The following MACROD2 variants were observed in gnomAD, a reference collection of about 807,000 sequenced individuals.
The protein encoded by MACROD2 is mono-ADP ribosylhydrolase 2.
In MACROD2, 36 loss-of-function variants were observed where a neutral mutation model predicts 70.4. The observed-to-expected ratio is 0.51, with a 90% CI of 0.39 to 0.68. MACROD2 has a LOEUF of 0.68. Ranked by LOEUF, MACROD2 falls within the 30% of genes least tolerant of loss-of-function variation. MACROD2 has a pLI of 0.00. For missense variants in MACROD2, 496 were observed against 538.4 expected (o/e 0.92, Z 0.78); for synonymous variants, 172 against 178.8 (o/e 0.96, Z 0.30).
intron 8 of MACROD2, among the ~76,000 whole-genome samples, chr20:15,522,335 ATCTT>A (rs1409190626): frequency 2.0e-5 from 3 of 152,226 alleles, no homozygotes; most frequent in African/African-American, 4.8e-5. Flanking sequence ...CCTCATAGAT[ATCTT>A]TTGAAAAGTA....
rs569994786 is a variant in MACROD2 at position 15,463,216 on chromosome 20, G to A, written c.571+31781G>A. On this transcript the variant is annotated intron_variant, in intron 7 of 17. Transcript: ENST00000684519. ...TTCCATGTGTCAATGCCAACAGGAGGAATGACCGCCTGAAGAGGTGTGTTG... is the reference window on the plus strand; with the variant it reads ...TTCCATGTGTCAATGCCAACAGGAGAAATGACCGCCTGAAGAGGTGTGTTG... Among the ~76,000 whole-genome samples the A allele has an allele frequency of 3.9e-5, 6 of 152,264 alleles. No homozygotes were observed. In the South Asian group the frequency reaches 8.3e-4, roughly 21 times the overall value.
At chr20:15,120,573 T>A (rs896147372) in intron 5 of MACROD2, among the ~76,000 whole-genome samples, 8 of 152,188 alleles carry the variant, frequency 5.3e-5, no homozygotes, top group African/African-American at 1.9e-4. Flanking sequence ...TTCAACTAGT[T>A]CCCTGAATGG....
At chr20:15,676,149 A>G (rs2050054228) in intron 8 of MACROD2, among the ~76,000 whole-genome samples, 1 of 152,216 alleles carries the variant, frequency 6.6e-6, no homozygotes, top group African/African-American at 2.4e-5. Flanking sequence ...TGTTAAGCTC[A>G]TCTTACCTGT....
chr20:15,017,632 C>G lies in MACROD2; in HGVS notation c.419-212308C>G, dbSNP rs147774578. Among the ~76,000 whole-genome samples the G allele has an allele frequency of 2.9e-3, 447 of 152,350 alleles. 7 individuals are homozygous for G. Among genetic ancestry groups the G allele is most frequent in the African/African-American group, 0.01 (426 of 41,580 alleles). ...CTAGCAGAGGTTCTCCATGAGGGCA[C>G]CACCCCTGCAGCAAACTTCTTCCTG... On this transcript the variant is annotated intron_variant, in intron 5 of 17. Coordinates refer to ENST00000684519, the MANE Select transcript of MACROD2 (RefSeq NM_001351661.2).
At chr20:15,005,855 T>A (rs2075031537) in intron 5 of MACROD2, among the ~76,000 whole-genome samples, 1 of 152,160 alleles carries the variant, frequency 6.6e-6, no homozygotes, top group African/African-American at 2.4e-5. Context: ...AGTTGATAAC[T>A]GTGTAAACAT....
At chr20:14,421,502 T>C (rs1232615192) in intron 3 of MACROD2, among the ~76,000 whole-genome samples, 1 of 152,200 alleles carries the variant, frequency 6.6e-6, no homozygotes, top group African/African-American at 2.4e-5. Context: ...TTTGTTGGCA[T>C]ACAAATGTTC....
intron 5 of MACROD2, among the ~76,000 whole-genome samples, chr20:15,180,606 C>T (rs2076493680): frequency 6.6e-6 from 1 of 152,216 alleles, no homozygotes. Flanking sequence ...TCTGGGAACA[C>T]TTTTCCCCCT....
chr20:15,745,669 C>T (rs2051172368), intron 8 of MACROD2, among the ~76,000 whole-genome samples: 1 of 152,112 alleles, frequency 6.6e-6, no homozygotes, highest in Non-Finnish European at 1.5e-5. Flanking sequence ...AAGGAAATGG[C>T]AATATTCCCC....
rs1026202186 is a variant in MACROD2 at position 15,499,815 on chromosome 20, A to G, written c.613A>G (p.Ile205Val). The change falls in exon 8 of 18, where the codon ATT becomes GTT. Residue 205 changes from isoleucine (I) to valine (V), a missense_variant. By Grantham distance (29) the Ile-to-Val change is conservative. Coordinates refer to ENST00000684519, the MANE Select transcript of MACROD2 (RefSeq NM_001351661.2). ...EPAAVIALNT[I>V]KEWLAKNHHE... ...TGCTGCAGTCATTGCCCTCAACACC[A>G]TTAAGGAATGGCTTGCCAAGAATCA... 16 of 1,613,712 alleles carry G rather than the reference A, an allele frequency of 9.9e-6. No individual in the cohort carries two copies. The African/African-American group carries it at 1.9e-4, about 19-fold the overall frequency.
chr20:14,840,466 G>T (rs1326888724), intron 5 of MACROD2, among the ~76,000 whole-genome samples: 1 of 152,074 alleles, frequency 6.6e-6, no homozygotes, highest in African/African-American at 2.4e-5. Flanking sequence ...TGGGCTCTTG[G>T]ACTCAAGCAA....
At chr20:14,511,434 T>C (rs2123148347) in intron 4 of MACROD2, among the ~76,000 whole-genome samples, 1 of 152,082 alleles carries the variant, frequency 6.6e-6, no homozygotes, top group South Asian at 2.1e-4. Flanking sequence ...CATTTAAAAA[T>C]TAAAAAATAT....
chr20:14,090,345 C>T (rs187881166), intron 3 of MACROD2, among the ~76,000 whole-genome samples: 96 of 152,072 alleles, frequency 6.3e-4, no homozygotes, highest in South Asian at 8.3e-4. Context: ...GAGGTCAAGG[C>T]GGGTGGATCA....
intron 8 of MACROD2, among the ~76,000 whole-genome samples, chr20:15,783,944 T>G (rs1307686419): frequency 6.6e-6 from 1 of 152,176 alleles, no homozygotes; most frequent in Admixed American, 6.5e-5. Flanking sequence ...AGGAAAGGGA[T>G]GCGAGCTGGC....
intron 7 of MACROD2, among the ~76,000 whole-genome samples, chr20:15,498,968 T>TA (rs2047332092): frequency 6.6e-6 from 1 of 152,202 alleles, no homozygotes; most frequent in South Asian, 2.1e-4. Flanking sequence ...GTAGCATAGT[T>TA]ACTCCTATCT....
intron 15 of MACROD2, among the ~76,000 whole-genome samples, chr20:16,014,698 T>C (rs1475824693): frequency 6.6e-6 from 1 of 152,130 alleles, no homozygotes; most frequent in Non-Finnish European, 1.5e-5. Context: ...TCTGCTGTGG[T>C]TTCAATACAC....
At chr20:15,697,757 T>C (rs2050396848) in intron 8 of MACROD2, among the ~76,000 whole-genome samples, 1 of 152,190 alleles carries the variant, frequency 6.6e-6, no homozygotes, top group Non-Finnish European at 1.5e-5. Context: ...GCATATATGT[T>C]TAGGATAGTG....
intron 3 of MACROD2, among the ~76,000 whole-genome samples, chr20:14,448,655 G>A (rs778001846): frequency 9.3e-5 from 14 of 151,162 alleles, no homozygotes; most frequent in Non-Finnish European, 1.5e-4. Flanking sequence ...GCAATAGATC[G>A]ACACTCCCTC....
intron 4 of MACROD2, chr20:14,547,304 G>A: frequency 7.0e-6 from 2 of 284,274 alleles, no homozygotes; most frequent in Non-Finnish European, 6.8e-6. Context: ...TGCATGCATG[G>A]CAGAAACTGA....
chr20:15,760,084 C>T (rs2051413085), intron 8 of MACROD2, among the ~76,000 whole-genome samples: 1 of 152,178 alleles, frequency 6.6e-6, no homozygotes, highest in African/African-American at 2.4e-5. Context: ...CCCACGTGAG[C>T]CAATCACAAA....
Sources: allele counts gnomAD v4.1 joint callset (sites outside exome capture counted in the v4.1 genomes callset), GRCh38; gene constraint gnomAD v4.1.1; transcripts MANE v1.5; gene names NCBI Gene and HGNC (gene_info 2026-07-23, HGNC 2026-07-21).